LRP1B: variants seen among roughly 807,000 people sequenced by gnomAD.
The protein encoded by LRP1B is LDL receptor related protein 1B.
In LRP1B, 217 loss-of-function variants were observed where a neutral mutation model predicts 556.6. That is an observed-to-expected ratio of 0.39 (90% CI 0.35 to 0.44). The LOEUF is 0.44. LRP1B is among the 20% of genes least tolerant of loss of function. LRP1B has a pLI of 1.00. For missense variants in LRP1B, 5,053 were observed against 5,620.8 expected (o/e 0.90, Z 3.23); for synonymous variants, 2,047 against 1,865.8 (o/e 1.10, Z -2.50).
At chr2:141,460,529 T>A (rs750351051) in intron 3 of LRP1B, among the ~76,000 whole-genome samples, 1 of 152,124 alleles carries the variant, frequency 6.6e-6, no homozygotes, top group African/African-American at 2.4e-5. Flanking sequence ...GTGCAGCCCA[T>A]GGGTAAGTTT....
At chr2:140,483,641 T>TATATA (rs1491178607) in intron 59 of LRP1B, among the ~76,000 whole-genome samples, 59 of 52,204 alleles carry the variant, frequency 1.1e-3, no homozygotes, top group South Asian at 1.5e-3. Flanking sequence ...TATATATATA[T>TATATA]TTTTTTTTTT....
rs541618992 is a variant in LRP1B, at chr2:140,852,525, C to T, written c.4580-742G>A. Among the ~76,000 whole-genome samples, 19 of 152,332 alleles carry T rather than the reference C, an allele frequency of 1.2e-4. 1 individual carries two copies. The highest frequency in any genetic ancestry group is 4.3e-4 in the African/African-American group (18 of 41,588). ...TGCCTTGGCACACCACTTTTAGAGGCTTCCCTAGGAAACTACTGGTACATA... is the reference window on the plus strand; with the variant it reads ...TGCCTTGGCACACCACTTTTAGAGGTTTCCCTAGGAAACTACTGGTACATA... On this transcript the variant is annotated intron_variant, in intron 27 of 90. Transcript: ENST00000389484.
intron 2 of LRP1B, among the ~76,000 whole-genome samples, chr2:141,534,701 T>C (rs1466282891): frequency 6.6e-6 from 1 of 152,134 alleles, no homozygotes; most frequent in East Asian, 1.9e-4. Flanking sequence ...AGGGAGCTTT[T>C]TACTGGTAGT....
At chr2:140,494,525 A>G (rs529612543) in intron 56 of LRP1B, among the ~76,000 whole-genome samples, 1 of 151,244 alleles carries the variant, frequency 6.6e-6, no homozygotes, top group South Asian at 2.1e-4. Flanking sequence ...GAATGGTGTG[A>G]ACCTGGGGGA....
chr2:141,256,102 A>G (rs1024407643), intron 3 of LRP1B, among the ~76,000 whole-genome samples: 3 of 152,038 alleles, frequency 2.0e-5, no homozygotes, highest in African/African-American at 7.2e-5. Context: ...AGCAAAACAC[A>G]TATGCTAAAT....
intron 6 of LRP1B, among the ~76,000 whole-genome samples, chr2:141,194,914 G>T (rs1395480110): frequency 6.6e-6 from 1 of 151,996 alleles, no homozygotes; most frequent in Non-Finnish European, 1.5e-5. Flanking sequence ...ATATCTTTTT[G>T]ACTGCTTGTG....
At chr2:140,799,528 T>C (rs114590994) in intron 32 of LRP1B, among the ~76,000 whole-genome samples, 347 of 152,326 alleles carry the variant, frequency 2.3e-3, no homozygotes, top group African/African-American at 7.9e-3. Flanking sequence ...TCTAACACAA[T>C]TCCATTTTTA....
chr2:140,517,709 C>CT (rs372100986), intron 49 of LRP1B, among the ~76,000 whole-genome samples: 26,686 of 125,110 alleles, frequency 0.21, 3,941 homozygotes, highest in East Asian at 0.5. Context: ...TTTATCTTTC[C>CT]TTTTTTTTTT....
chr2:140,574,911 A>G (rs1161448051), intron 43 of LRP1B, among the ~76,000 whole-genome samples: 1 of 152,244 alleles, frequency 6.6e-6, no homozygotes. Flanking sequence ...AGAAATATTC[A>G]GCATTCATAG....
intron 7 of LRP1B, among the ~76,000 whole-genome samples, chr2:141,174,294 CA>C (rs1168148256): frequency 6.6e-6 from 1 of 151,948 alleles, no homozygotes; most frequent in Non-Finnish European, 1.5e-5. Flanking sequence ...GAAATTGCCC[CA>C]AGGTAGAGTT....
At chr2:141,774,361 A>T in intron 2 of LRP1B, among the ~76,000 whole-genome samples, 1 of 152,114 alleles carries the variant, frequency 6.6e-6, no homozygotes, top group East Asian at 1.9e-4. Flanking sequence ...GTGAAGAGGA[A>T]CTAGCATATT....
chr2:140,977,757 A>C (rs1696649429), intron 18 of LRP1B, among the ~76,000 whole-genome samples: 1 of 152,094 alleles, frequency 6.6e-6, no homozygotes, highest in Admixed American at 6.6e-5. Context: ...TCCTCAAAAG[A>C]CTGTATGTAT....
chr2:141,369,064 TATA>T (rs1370424731), intron 3 of LRP1B, among the ~76,000 whole-genome samples: 1 of 152,098 alleles, frequency 6.6e-6, no homozygotes, highest in Non-Finnish European at 1.5e-5. Context: ...CCTTGCAGAA[TATA>T]ATAATATCAA....
chr2:142,094,015 T>C (rs1350174355), intron 1 of LRP1B, among the ~76,000 whole-genome samples: 1 of 152,068 alleles, frequency 6.6e-6, no homozygotes. Context: ...CCAGCAGATG[T>C]TGTCTGCTGA....
At chr2:141,370,919 T>C (rs762911594) in intron 3 of LRP1B, among the ~76,000 whole-genome samples, 2 of 152,158 alleles carry the variant, frequency 1.3e-5, no homozygotes, top group African/African-American at 2.4e-5. Context: ...CCTCAGTATA[T>C]AGTATTTCCA....
intron 2 of LRP1B, among the ~76,000 whole-genome samples, chr2:141,567,914 C>T (rs1686392402): frequency 6.7e-6 from 1 of 149,872 alleles, no homozygotes; most frequent in East Asian, 1.9e-4. Flanking sequence ...TAGATTTTGC[C>T]AAAGGGAGCT....
chr2:141,441,112 T>C (rs1431831178), intron 3 of LRP1B, among the ~76,000 whole-genome samples: 1 of 152,152 alleles, frequency 6.6e-6, no homozygotes, highest in Non-Finnish European at 1.5e-5. Flanking sequence ...AGTCTTGCTC[T>C]GTTGCCTAGG....
chr2:141,169,152 G>T (rs1410320288), intron 7 of LRP1B, among the ~76,000 whole-genome samples: 1 of 151,752 alleles, frequency 6.6e-6, no homozygotes, highest in African/African-American at 2.4e-5. Context: ...TGGGTATAGT[G>T]GTGGGCCCCT....
chr2:142,012,081 C>T (rs1371784902), intron 1 of LRP1B, among the ~76,000 whole-genome samples: 1 of 151,836 alleles, frequency 6.6e-6, no homozygotes, highest in African/African-American at 2.4e-5. Flanking sequence ...AAATAACAGG[C>T]AAAAGATGAA....
Sources: gnomAD v4.1 joint callset for allele counts (sites outside exome capture counted in the v4.1 genomes callset) on GRCh38, gnomAD v4.1.1 for gene constraint, MANE v1.5 for transcripts, NCBI Gene and HGNC (gene_info 2026-07-23, HGNC 2026-07-21) for gene names.